NREP: variants seen among roughly 807,000 people sequenced by gnomAD.
The protein encoded by NREP is neuronal regeneration-related protein.
NREP carries 5 observed loss-of-function variants against 8.6 expected under a neutral mutation model. The observed-to-expected ratio is 0.58, with a 90% CI of 0.30 to 1.22. The LOEUF (loss-of-function observed/expected upper bound fraction) is 1.22, where lower values mean the gene tolerates loss of function less well. Among genes scored for constraint, NREP ranks in the 50% most tolerant of loss-of-function variants. The probability of loss-of-function intolerance (pLI) is 0.07; values close to 1 mark genes in which losing one functional copy is unlikely to be tolerated. For missense variants in NREP, 86 were observed against 82.5 expected (o/e 1.04, Z -0.17); for synonymous variants, 27 against 28.0 (o/e 0.96, Z 0.11).
At chr5:111,743,737 T>A (rs940394687) in intron 2 of NREP, among the ~76,000 whole-genome samples, 3 of 152,158 alleles carry the variant, frequency 2.0e-5, no homozygotes, top group African/African-American at 7.2e-5. Flanking sequence ...CATTCCAAGG[T>A]TAATAGGAAA....
chr5:111,815,356 C>G (rs78384207), intron 2 of NREP, among the ~76,000 whole-genome samples: 1 of 152,128 alleles, frequency 6.6e-6, no homozygotes, highest in Non-Finnish European at 1.5e-5. Flanking sequence ...CTCTTTTACT[C>G]TAATTTCTCT....
At chr5:111,874,476 A>T (rs1753859689) in intron 2 of NREP, among the ~76,000 whole-genome samples, 1 of 152,120 alleles carries the variant, frequency 6.6e-6, no homozygotes, top group South Asian at 2.1e-4. Flanking sequence ...TGTGCATTTC[A>T]TGGTAGGCCC....
chr5:111,772,337 G>A (rs1751250706), intron 2 of NREP, among the ~76,000 whole-genome samples: 1 of 152,096 alleles, frequency 6.6e-6, no homozygotes, highest in Non-Finnish European at 1.5e-5. Context: ...AAACTCTTCA[G>A]TAGTTTTGAA....
chr5:111,758,820 C>A (rs899497570), upstream of NREP, among the ~76,000 whole-genome samples: 6 of 152,230 alleles, frequency 3.9e-5, no homozygotes, highest in African/African-American at 1.4e-4. Context: ...AAAGAATGCA[C>A]TGAGTTCTCT....
At chr5:111,881,212 T>A (rs1258808493) in intron 2 of NREP, among the ~76,000 whole-genome samples, 4 of 152,020 alleles carry the variant, frequency 2.6e-5, no homozygotes, top group African/African-American at 9.7e-5. Flanking sequence ...ACCCACGGAG[T>A]CTCCCTGATT....
chr5:111,735,814 TC>T (rs1256873859), intron 2 of NREP, among the ~76,000 whole-genome samples: 3 of 152,220 alleles, frequency 2.0e-5, no homozygotes, highest in Non-Finnish European at 2.9e-5. Flanking sequence ...CACTAAGTCA[TC>T]GGGGAGGTCT....
chr5:111,755,793 G>A lies in NREP; in HGVS notation c.-21C>T. 5 of 1,613,798 alleles carry A rather than the reference G, an allele frequency of 3.1e-6. No homozygotes were observed. The highest frequency in any genetic ancestry group is 4.2e-6 in the Non-Finnish European group (5 of 1,179,782). On this transcript the variant is annotated 5_prime_UTR_variant, in exon 2 of 4. Coordinates refer to ENST00000257435, the MANE Select transcript of NREP (RefSeq NM_004772.4). ...ACCATTTTGAGAATCTTAGTCTTGGGCTTCTATTCTCCCTCTCTTCAGTCC... is the reference window on the plus strand; with the variant it reads ...ACCATTTTGAGAATCTTAGTCTTGGACTTCTATTCTCCCTCTCTTCAGTCC...
At chr5:111,860,819 TAAAC>T (rs1753528169) in intron 2 of NREP, among the ~76,000 whole-genome samples, 1 of 152,116 alleles carries the variant, frequency 6.6e-6, no homozygotes, top group African/African-American at 2.4e-5. Flanking sequence ...AAGAATCAAA[TAAAC>T]AAATCTTTCA....
intron 2 of NREP, among the ~76,000 whole-genome samples, chr5:111,927,938 T>A (rs1192408284): frequency 6.6e-6 from 1 of 152,126 alleles, no homozygotes; most frequent in Non-Finnish European, 1.5e-5. Context: ...TGGTTTACAA[T>A]AGGATGGACT....
chr5:111,736,556 G>A (rs2112796136), intron 2 of NREP, among the ~76,000 whole-genome samples: 1 of 152,204 alleles, frequency 6.6e-6, no homozygotes, highest in South Asian at 2.1e-4. Context: ...CCGTAATTGA[G>A]GTAACCTAAT....
intron 2 of NREP, among the ~76,000 whole-genome samples, chr5:111,804,946 A>G (rs1211261218): frequency 1.3e-5 from 2 of 152,206 alleles, no homozygotes; most frequent in East Asian, 3.9e-4. Flanking sequence ...GCTTGCAGTG[A>G]GCCGAGATGG....
intron 2 of NREP, among the ~76,000 whole-genome samples, chr5:111,878,139 G>T (rs1374225283): frequency 5.3e-5 from 8 of 152,140 alleles, no homozygotes. Context: ...AAGAAGAACT[G>T]ACCATTAAAC....
chr5:111,928,741 C>A (rs1332636291), intron 2 of NREP, among the ~76,000 whole-genome samples: 1 of 152,068 alleles, frequency 6.6e-6, no homozygotes, highest in African/African-American at 2.4e-5. Flanking sequence ...GGGAGGAAGT[C>A]AGCTGCAAAA....
chr5:111,923,958 T>C (rs1385044443), intron 2 of NREP, among the ~76,000 whole-genome samples: 1 of 152,176 alleles, frequency 6.6e-6, no homozygotes, highest in African/African-American at 2.4e-5. Flanking sequence ...GAGTTTCCTT[T>C]ATTAATTGGT....
At chr5:111,798,934 G>A (rs981867973) in intron 2 of NREP, among the ~76,000 whole-genome samples, 2 of 152,124 alleles carry the variant, frequency 1.3e-5, no homozygotes, top group African/African-American at 4.8e-5. Flanking sequence ...CCTCTAGGTA[G>A]ATACCTAGCA....
intron 2 of NREP, among the ~76,000 whole-genome samples, chr5:111,826,039 C>T (rs889919104): frequency 6.6e-6 from 1 of 151,830 alleles, no homozygotes; most frequent in Non-Finnish European, 1.5e-5. Context: ...CTGTAACCTC[C>T]GCCTACCGTG....
intron 2 of NREP, among the ~76,000 whole-genome samples, chr5:111,858,922 C>T (rs532758075): frequency 1.2e-4 from 19 of 152,098 alleles, no homozygotes; most frequent in African/African-American, 1.4e-4. Flanking sequence ...AATTCATTCC[C>T]ATTTACCACC....
At chr5:111,900,687 C>T (rs1278307893) in intron 2 of NREP, among the ~76,000 whole-genome samples, 1 of 151,888 alleles carries the variant, frequency 6.6e-6, no homozygotes, top group Non-Finnish European at 1.5e-5. Context: ...CCTGGGCATA[C>T]AAACCACCAA....
intron 2 of NREP, among the ~76,000 whole-genome samples, chr5:111,859,236 T>C (rs998568998): frequency 2.0e-5 from 3 of 152,134 alleles, no homozygotes; most frequent in Non-Finnish European, 4.4e-5. Flanking sequence ...TGAACAAAGA[T>C]TGTTGTCTTT....
Sources: allele counts gnomAD v4.1 joint callset (sites outside exome capture counted in the v4.1 genomes callset), GRCh38; gene constraint gnomAD v4.1.1; transcripts MANE v1.5; gene names NCBI Gene and HGNC (gene_info 2026-07-23, HGNC 2026-07-21).